Variants in BRAP observed in about 807,000 individuals in gnomAD.
BRAP encodes the protein BRCA1-associated protein.
Under a neutral mutation model 73.4 loss-of-function variants are expected in BRAP, and 42 were observed. The ratio of observed to expected loss-of-function variants is 0.57; its 90% confidence interval spans 0.45 to 0.74. The LOEUF (loss-of-function observed/expected upper bound fraction) is 0.74, where lower values mean the gene tolerates loss of function less well. Ranked by LOEUF, BRAP falls within the 30% of genes least tolerant of loss-of-function variation. The pLI is 0.00. For synonymous variants in BRAP, 255 were observed against 267.4 expected (o/e 0.95, Z 0.45); for missense variants, 593 against 751.4 (o/e 0.79, Z 2.46).
intron 4 of BRAP, among the ~76,000 whole-genome samples, chr12:111,674,592 T>C (rs1196340835): frequency 6.6e-6 from 1 of 152,156 alleles, no homozygotes; most frequent in Non-Finnish European, 1.5e-5. Flanking sequence ...TGAGGAAGGA[T>C]GATCAATTCT....
At position 111,658,633 on chromosome 12, in the gene BRAP, C is replaced by G. The variant is rs188193154; in HGVS notation, c.1221+103G>C. On this transcript the variant is annotated intron_variant, in intron 9 of 11. Transcript: ENST00000419234. ...GCCACTGCGCCCGGCCATGACCAAA[C>G]TTTAAAAAAAAAATGTACATCCAGG... 1.2e-4 allele frequency: 117 copies of G among 999,498 alleles called. No individual in the cohort carries two copies. In the East Asian group the frequency reaches 2.1e-3, roughly 18 times the overall value. The allele number at this position is 999,498 out of a possible 1,614,324, so 61.9% of individuals were successfully genotyped here.
chr12:111,667,720 A>AAAAAAAAAAAAAAAAAAAAAAAAAAAAC (rs1887006980), intron 5 of BRAP, among the ~76,000 whole-genome samples: 1 of 148,226 alleles, frequency 6.7e-6, no homozygotes, highest in African/African-American at 2.5e-5. Flanking sequence ...AAAAAAAAAA[A>AAAAAAAAAAAAAAAAAAAAAAAAAAAAC]AGCTCATACA....
chr12:111,666,840 C>T (rs1886963436), intron 5 of BRAP, among the ~76,000 whole-genome samples: 1 of 152,204 alleles, frequency 6.6e-6, no homozygotes, highest in South Asian at 2.1e-4. Context: ...TCTCAAGAAG[C>T]CACGTTCATT....
intron 10 of BRAP, among the ~76,000 whole-genome samples, chr12:111,652,484 A>G (rs562087901): frequency 6.6e-6 from 1 of 152,084 alleles, no homozygotes; most frequent in African/African-American, 2.4e-5. Flanking sequence ...CGGCCTCCCA[A>G]AGTGTTGGGG....
At chr12:111,676,401 C>G (rs1887383970) in intron 4 of BRAP, among the ~76,000 whole-genome samples, 1 of 151,898 alleles carries the variant, frequency 6.6e-6, no homozygotes, top group Non-Finnish European at 1.5e-5. Context: ...CCTGTTTCCT[C>G]AACTGTAAAA....
chr12:111,684,832 C>A (rs1470464362), intron 1 of BRAP, among the ~76,000 whole-genome samples: 1 of 152,150 alleles, frequency 6.6e-6, no homozygotes, highest in Non-Finnish European at 1.5e-5. Flanking sequence ...CCACGCCCAG[C>A]TAATTTTTGT....
chr12:111,661,569 G>A (rs981497412), intron 6 of BRAP, among the ~76,000 whole-genome samples: 1 of 152,054 alleles, frequency 6.6e-6, no homozygotes, highest in South Asian at 2.1e-4. Flanking sequence ...GTCAGCCACC[G>A]TGCTCAGCCT....
chr12:111,685,932 G>C lies in BRAP; in HGVS notation c.-140C>G, dbSNP rs1026458208. 1.3e-5 allele frequency: 6 copies of C among 463,952 alleles called. No individual in the cohort carries two copies. The highest frequency in any genetic ancestry group is 8.3e-5 in the African/African-American group (4 of 48,472). 28.7% of individuals were successfully genotyped at this position (463,952 alleles called of 1,614,324 possible). On this transcript the variant is annotated 5_prime_UTR_variant, in exon 1 of 12. Coordinates refer to ENST00000419234, the MANE Select transcript of BRAP (RefSeq NM_006768.5). The stretch of plus-strand genomic sequence containing the variant: ...GCCGCCTCAGCAGCAGCAGCTCCTC[G>C]AACAGCCCTCGGAGCCACAACAACC...
intron 6 of BRAP, among the ~76,000 whole-genome samples, chr12:111,663,920 C>T (rs543728055): frequency 2.0e-5 from 3 of 152,186 alleles, no homozygotes; most frequent in Non-Finnish European, 4.4e-5. Context: ...AAATTCTTAT[C>T]TTTGGGCCTG....
rs1887800111 is a variant in BRAP at position 111,685,699 on chromosome 12, C to T, written c.82+12G>A. 10 of 1,599,336 alleles carry T rather than the reference C, an allele frequency of 6.3e-6. No individual in the cohort carries two copies. Among genetic ancestry groups the T allele is most frequent in the African/African-American group, 2.7e-5 (2 of 74,862 alleles). ...CCGGCTACAGGGAATGCGGCGAGGC[C>T]GCGGGACTCACCCGCGGCGCTGAAG... On this transcript the variant is annotated intron_variant, in intron 1 of 11. Transcript: ENST00000419234.
At chr12:111,681,095 C>A (rs185511619) in intron 3 of BRAP, among the ~76,000 whole-genome samples, 127 of 152,236 alleles carry the variant, frequency 8.3e-4, no homozygotes, top group Non-Finnish European at 1.6e-3. Context: ...CCTGGCAGGG[C>A]GCAGTGGCTC....
At chr12:111,667,179 C>T (rs1886977704) in intron 5 of BRAP, among the ~76,000 whole-genome samples, 2 of 152,122 alleles carry the variant, frequency 1.3e-5, no homozygotes, top group Non-Finnish European at 2.9e-5. Flanking sequence ...CATTGTTTTA[C>T]TTGGGGCTCA....
Position 111,665,868 on chromosome 12 carries a change from T to A in BRAP, c.748-81A>T. On this transcript the variant is annotated intron_variant, in intron 5 of 11. Transcript: ENST00000419234. This position sits in a 1 kb window ranked among gnomAD's most constrained non-coding sequence, Gnocchi z 4.3. ...TTTCCTTCTTTTTTCTGAGACAGGG[T>A]CTCGCTCTCTGTCACCCACGCTGGA... The A allele has an allele frequency of 1.3e-6, 2 of 1,562,550 alleles. No homozygotes were observed. The highest frequency in any genetic ancestry group is 2.3e-5 in the South Asian group (2 of 86,754).
At chr12:111,661,523 C>T (rs893664012) in intron 6 of BRAP, among the ~76,000 whole-genome samples, 2 of 152,002 alleles carry the variant, frequency 1.3e-5, no homozygotes, top group African/African-American at 2.4e-5. Flanking sequence ...AGGTGATCTG[C>T]CTGCCTTGAC....
chr12:111,679,173 A>G lies in BRAP; in HGVS notation c.611T>C (p.Val204Ala), dbSNP rs1887502052. The change falls in exon 4 of 12, where the codon GTG (valine) becomes GCG (alanine). Residue 204 changes from valine (V) to alanine (A), a missense_variant. By Grantham distance (64) the Val-to-Ala change is moderately conservative. Transcript: ENST00000419234. ...TACCTGTGCACGAAACTTTATCAGC[A>G]CCATATATTGGTTGGGAGTAGAGTC... is the stretch of plus-strand genomic sequence containing the variant. ...IRDSTPNQYM[V>A]LIKFRAQADA... 3 of 1,577,372 alleles carry G rather than the reference A, an allele frequency of 1.9e-6. No homozygotes were observed. Among genetic ancestry groups the G allele is most frequent in the Non-Finnish European group, 2.6e-6 (3 of 1,161,534 alleles).
chr12:111,681,717 C>T lies in BRAP; in HGVS notation c.363G>A (p.Gln121=). The change falls in exon 3 of 12, where the codon CAG becomes CAA. Residue 121 remains glutamine (Q), a synonymous_variant. Transcript: ENST00000419234. ...TGAAGAATGAAATCTGGTCTGGAAG[C>T]TGTTTGGACGGAGAATCTGGGGCAG... is the stretch of plus-strand genomic sequence containing the variant. The part of the protein sequence containing the change: ...INAAPDSPSK[Q]LPDQISFFSG... 6.2e-7 allele frequency: 1 copy of T among 1,613,988 alleles called. No homozygotes were observed. Among genetic ancestry groups the T allele is most frequent in the East Asian group, 2.2e-5 (1 of 44,866 alleles).
At chr12:111,667,535 C>G (rs1207772913) in intron 5 of BRAP, among the ~76,000 whole-genome samples, 2 of 151,414 alleles carry the variant, frequency 1.3e-5, no homozygotes, top group Admixed American at 6.6e-5. Context: ...CCTGTCTCCA[C>G]TAAAAACACA....
intron 5 of BRAP, among the ~76,000 whole-genome samples, chr12:111,667,673 TG>T (rs1298098752): frequency 1.1e-5 from 1 of 94,528 alleles, no homozygotes; most frequent in Admixed American, 1.6e-4. Context: ...CACTCCAGCC[TG>T]GGAGACAGAG....
At chr12:111,646,244 T>C (rs926019191) in intron 11 of BRAP, among the ~76,000 whole-genome samples, 1 of 150,042 alleles carries the variant, frequency 6.7e-6, no homozygotes, top group African/African-American at 2.5e-5. Flanking sequence ...TGTGATTGCA[T>C]CACTGCACTC....
Sources: gnomAD v4.1 joint callset for allele counts (sites outside exome capture counted in the v4.1 genomes callset) on GRCh38, gnomAD v4.1.1 for gene constraint, Gnocchi (gnomAD v3.1) non-coding constraint, MANE v1.5 for transcripts, NCBI Gene and HGNC (gene_info 2026-07-23, HGNC 2026-07-21) for gene names.